The following CDK15 variants were observed in gnomAD, a reference collection of about 807,000 sequenced individuals.
CDK15 encodes cyclin-dependent kinase 15.
Under a neutral mutation model 60.3 loss-of-function variants are expected in CDK15, and 62 were observed. The observed-to-expected ratio is 1.03, with a 90% CI of 0.84 to 1.27. The LOEUF (loss-of-function observed/expected upper bound fraction) is 1.27, where lower values mean the gene tolerates loss of function less well. CDK15 is among the 50% of genes most tolerant of loss of function. The pLI, the probability that CDK15 is intolerant of heterozygous loss-of-function variation, is 0.00. For synonymous variants in CDK15, 194 were observed against 195.7 expected (o/e 0.99, Z 0.07); for missense variants, 541 against 527.8 (o/e 1.03, Z -0.25).
At chr2:201,892,183 A>G (rs1025015781) in intron 13 of CDK15, among the ~76,000 whole-genome samples, 1 of 152,234 alleles carries the variant, frequency 6.6e-6, no homozygotes, top group African/African-American at 2.4e-5. Flanking sequence ...TAGAATTACA[A>G]TTGGTGATAT....
rs562070473 is a variant in CDK15, at chr2:201,814,320, T to G, written c.448+1758T>G. Among the ~76,000 whole-genome samples, 5 of 152,374 alleles carry G rather than the reference T, an allele frequency of 3.3e-5. No homozygotes were observed. The East Asian group carries it at 9.6e-4, about 29-fold the overall frequency. On this transcript the variant is annotated intron_variant, in intron 4 of 13. Transcript: ENST00000652192. ...TTTACAATTACATTTAGTAGTCAAC[T>G]GTGGACTTTCTTGGTTTGTTTTATG...
chr2:201,888,963 A>G (rs1354518380), intron 12 of CDK15: 37 of 986,402 alleles, frequency 3.8e-5, no homozygotes, highest in Non-Finnish European at 4.3e-5. Flanking sequence ...GTAGAATACA[A>G]AATTGCATAT....
intron 3 of CDK15, among the ~76,000 whole-genome samples, chr2:201,812,260 G>A (rs1231451289): frequency 1.3e-5 from 2 of 150,962 alleles, no homozygotes; most frequent in African/African-American, 4.9e-5. Flanking sequence ...TTTCTATAAT[G>A]GACATATATA....
In CDK15 at chr2:201,839,663, T is replaced by TAGACAGAC. The variant is rs139883044; in HGVS notation, c.851+3920_851+3927dup. On this transcript the variant is annotated intron_variant, in intron 8 of 13. Coordinates refer to ENST00000652192, the MANE Select transcript of CDK15 (RefSeq NM_001366386.2). The stretch of plus-strand genomic sequence containing the variant: ...ACTCCCTAATGTTTCAGAAAAGATA[T>TAGACAGAC]AGACAGACAGACAGACAGACAGACA... Among the ~76,000 whole-genome samples the TAGACAGAC allele has an allele frequency of 3.2e-3, 467 of 146,980 alleles. 1 individual carries two copies. Among genetic ancestry groups the TAGACAGAC allele is most frequent in the South Asian group, 0.011 (50 of 4,354 alleles).
chr2:201,854,763 C>T (rs752278791), intron 9 of CDK15, 111 bp from the exon 10 acceptor site: 2 of 841,702 alleles, frequency 2.4e-6, no homozygotes, highest in African/African-American at 3.3e-5. Context: ...ATGGGACATA[C>T]ATCTGACGCT....
intron 12 of CDK15, among the ~76,000 whole-genome samples, chr2:201,886,979 C>G: frequency 6.6e-6 from 1 of 152,250 alleles, no homozygotes; most frequent in East Asian, 1.9e-4. Context: ...TACCCTATAC[C>G]TTTGTTCCTG....
At chr2:201,845,312 G>A (rs1697602777) in intron 8 of CDK15, among the ~76,000 whole-genome samples, 1 of 152,136 alleles carries the variant, frequency 6.6e-6, no homozygotes, top group Non-Finnish European at 1.5e-5. Context: ...AAGGGTTTTT[G>A]TATATTTTTA....
intron 9 of CDK15, among the ~76,000 whole-genome samples, chr2:201,850,388 A>G (rs1175056452): frequency 6.6e-6 from 1 of 152,232 alleles, no homozygotes; most frequent in Non-Finnish European, 1.5e-5. Context: ...CTTAGAAATC[A>G]TAGAATAAAG....
At chr2:201,865,681 G>C (rs1221275301) in intron 10 of CDK15, among the ~76,000 whole-genome samples, 2 of 152,044 alleles carry the variant, frequency 1.3e-5, no homozygotes, top group Non-Finnish European at 2.9e-5. Context: ...CCTGAGGTTA[G>C]GAGTTCAAGA....
chr2:201,892,734 G>A (rs1297650507), intron 13 of CDK15, among the ~76,000 whole-genome samples: 1 of 152,200 alleles, frequency 6.6e-6, no homozygotes, highest in Non-Finnish European at 1.5e-5. Flanking sequence ...GCTAGAGTTA[G>A]AGAGACTAAA....
intron 13 of CDK15, 43 bp downstream of exon 13, chr2:201,890,970 A>T: frequency 9.6e-7 from 1 of 1,046,290 alleles, no homozygotes. Flanking sequence ...AACAAATTGA[A>T]AAGCAATTGG....
intron 10 of CDK15, chr2:201,861,049 T>C (rs1698372925): frequency 1.8e-6 from 2 of 1,129,308 alleles, no homozygotes; most frequent in Non-Finnish European, 2.2e-6. Flanking sequence ...AAGGGAGTTA[T>C]TCAGTGGGTT....
At chr2:201,827,794 T>A (rs1265331088) in intron 6 of CDK15, among the ~76,000 whole-genome samples, 2 of 152,170 alleles carry the variant, frequency 1.3e-5, no homozygotes, top group South Asian at 4.1e-4. Flanking sequence ...CTAGTGCCTC[T>A]CAAACTTCAG....
chr2:201,842,409 T>C (rs1184951300), intron 8 of CDK15, among the ~76,000 whole-genome samples: 1 of 152,224 alleles, frequency 6.6e-6, no homozygotes, highest in African/African-American at 2.4e-5. Context: ...AAGTTGTCTC[T>C]GCCTAACAGA....
chr2:201,891,243 T>G (rs979085615), intron 13 of CDK15, among the ~76,000 whole-genome samples: 6 of 152,318 alleles, frequency 3.9e-5, no homozygotes, highest in Non-Finnish European at 7.4e-5. Flanking sequence ...GAGGTTGCAG[T>G]GAGCCAAGAT....
intron 11 of CDK15, 66 bp from the exon 12 acceptor site, chr2:201,879,962 T>G: frequency 6.4e-7 from 1 of 1,571,580 alleles, no homozygotes; most frequent in Admixed American, 1.9e-5. Context: ...CTTTTTGTTT[T>G]TATCCCTTTG....
intron 8 of CDK15, among the ~76,000 whole-genome samples, chr2:201,841,873 C>T (rs1261359016): frequency 6.6e-6 from 1 of 152,220 alleles, no homozygotes; most frequent in Non-Finnish European, 1.5e-5. Flanking sequence ...TTTCTTCTCT[C>T]TCTTTCTGCT....
intron 8 of CDK15, among the ~76,000 whole-genome samples, chr2:201,844,990 A>T (rs1467363694): frequency 6.6e-6 from 1 of 152,108 alleles, no homozygotes; most frequent in Admixed American, 6.5e-5. Flanking sequence ...CTGTACTAAA[A>T]ATACAAAAAT....
chr2:201,866,830 C>T (rs1698650459), intron 10 of CDK15, among the ~76,000 whole-genome samples: 1 of 152,156 alleles, frequency 6.6e-6, no homozygotes, highest in Admixed American at 6.5e-5. Flanking sequence ...GGTTATCTGC[C>T]TGAGTGGGAG....
Sources: gnomAD v4.1 joint callset for allele counts (sites outside exome capture counted in the v4.1 genomes callset) on GRCh38, gnomAD v4.1.1 for gene constraint, MANE v1.5 for transcripts, NCBI Gene and HGNC (gene_info 2026-07-23, HGNC 2026-07-21) for gene names.